TCF12: variants seen among roughly 807,000 people sequenced by gnomAD.
TCF12 encodes the protein DNA-binding protein HTF4.
Under a neutral mutation model 86.0 loss-of-function variants are expected in TCF12, and 45 were observed. The ratio of observed to expected loss-of-function variants is 0.52; its 90% CI spans 0.41 to 0.67. The LOEUF (loss-of-function observed/expected upper bound fraction) is 0.67, where lower values mean the gene tolerates loss of function less well. TCF12 is among the 30% of genes least tolerant of loss of function. The probability of loss-of-function intolerance (pLI) is 0.00; values close to 1 mark genes in which losing one functional copy is unlikely to be tolerated. For missense variants in TCF12, 881 were observed against 859.9 expected, an observed-to-expected ratio of 1.02 and a Z score of -0.31; for synonymous variants, 330 against 299.6, an observed-to-expected ratio of 1.10 and a Z score of -1.05.
At chr15:57,138,601 C>A (rs374894473) in intron 5 of TCF12, among the ~76,000 whole-genome samples, 2 of 152,186 alleles carry the variant, frequency 1.3e-5, no homozygotes. Context: ...ACTTTATAAA[C>A]CATTCTAACA....
intron 3 of TCF12, among the ~76,000 whole-genome samples, chr15:57,026,350 T>G (rs1427934247): frequency 7.9e-5 from 12 of 152,208 alleles, no homozygotes; most frequent in Admixed American, 7.9e-4. Flanking sequence ...AAGAGAACTT[T>G]CAAGAGAATA....
At chr15:57,049,353 G>A (rs578233243) in intron 3 of TCF12, among the ~76,000 whole-genome samples, 1 of 152,322 alleles carries the variant, frequency 6.6e-6, no homozygotes, top group Admixed American at 6.5e-5. Flanking sequence ...ACTCCAGAAA[G>A]ATGTCTCATG....
At chr15:57,253,851 T>G (rs895418716) in intron 16 of TCF12, among the ~76,000 whole-genome samples, 1 of 152,214 alleles carries the variant, frequency 6.6e-6, no homozygotes, top group East Asian at 1.9e-4. Flanking sequence ...AATGTGAAAC[T>G]GTAATTTATA....
chr15:56,986,665 T>A (rs1318560334), intron 3 of TCF12, among the ~76,000 whole-genome samples: 1 of 152,186 alleles, frequency 6.6e-6, no homozygotes, highest in African/African-American at 2.4e-5. Context: ...CAGAAGTTAC[T>A]TTATGTATCC....
intron 3 of TCF12, among the ~76,000 whole-genome samples, chr15:56,985,490 A>C (rs1199617856): frequency 2.0e-5 from 3 of 152,190 alleles, no homozygotes; most frequent in Non-Finnish European, 4.4e-5. Context: ...TAGCTGGTTA[A>C]TTTATCCAGA....
intron 8 of TCF12, among the ~76,000 whole-genome samples, chr15:57,208,141 C>T (rs2057925749): frequency 6.6e-6 from 1 of 150,828 alleles, no homozygotes; most frequent in South Asian, 2.1e-4. Flanking sequence ...TCAAGCAAAT[C>T]TCTGCCTCAG....
intron 3 of TCF12, among the ~76,000 whole-genome samples, chr15:56,990,147 T>C (rs530653552): frequency 1.0e-4 from 14 of 138,494 alleles, no homozygotes; most frequent in African/African-American, 4.2e-4. Context: ...AGGCATAGTC[T>C]TGTCTTTTTT....
At chr15:57,206,059 C>G (rs1340949655) in intron 8 of TCF12, among the ~76,000 whole-genome samples, 1 of 152,174 alleles carries the variant, frequency 6.6e-6, no homozygotes, top group African/African-American at 2.4e-5. Flanking sequence ...AGAGACTTCA[C>G]AAAGCAGATG....
At chr15:57,136,970 G>GTTTTT (rs1402740121) in intron 5 of TCF12, among the ~76,000 whole-genome samples, 1 of 40,830 alleles carries the variant, frequency 2.4e-5, no homozygotes, top group African/African-American at 8.5e-5. Flanking sequence ...TTTTTTTTTT[G>GTTTTT]TTTTTTTTTT....
intron 3 of TCF12, among the ~76,000 whole-genome samples, chr15:56,994,428 G>A (rs964511602): frequency 6.6e-6 from 1 of 151,986 alleles, no homozygotes; most frequent in Non-Finnish European, 1.5e-5. Flanking sequence ...GAATTAAATG[G>A]CTAAAGACCT....
chr15:57,160,678 G>A (rs1396154132), intron 5 of TCF12, among the ~76,000 whole-genome samples: 1 of 151,784 alleles, frequency 6.6e-6, no homozygotes, highest in African/African-American at 2.4e-5. Flanking sequence ...GCTTGTGGGG[G>A]TTTTTTTGTT....
At chr15:57,095,256 A>G (rs1207546271) in intron 5 of TCF12, among the ~76,000 whole-genome samples, 1 of 152,224 alleles carries the variant, frequency 6.6e-6, no homozygotes, top group Non-Finnish European at 1.5e-5. Context: ...ATTCAAGGCT[A>G]CTATCAATCA....
chr15:57,126,159 T>C (rs2051634643), intron 5 of TCF12, among the ~76,000 whole-genome samples: 2 of 152,188 alleles, frequency 1.3e-5, no homozygotes, highest in Non-Finnish European at 2.9e-5. Context: ...GAGGATCAGT[T>C]GAGCTCAGGA....
intron 3 of TCF12, among the ~76,000 whole-genome samples, chr15:56,980,045 A>G (rs576592886): frequency 1.1e-4 from 17 of 152,222 alleles, no homozygotes; most frequent in African/African-American, 3.9e-4. Context: ...TGTATCAGCC[A>G]TTGTTCATTT....
intron 8 of TCF12, among the ~76,000 whole-genome samples, chr15:57,227,711 A>G (rs1180075452): frequency 6.6e-6 from 1 of 152,098 alleles, no homozygotes; most frequent in Non-Finnish European, 1.5e-5. Flanking sequence ...AATTTTTCTT[A>G]ACACCATTCT....
intron 19 of TCF12, among the ~76,000 whole-genome samples, chr15:57,280,084 C>T (rs973997512): frequency 6.6e-6 from 1 of 151,582 alleles, no homozygotes; most frequent in Non-Finnish European, 1.5e-5. Flanking sequence ...TAGTAGAGAT[C>T]GGGTTTCACC....
intron 3 of TCF12, among the ~76,000 whole-genome samples, chr15:56,939,592 C>T (rs1451904596): frequency 3.9e-5 from 6 of 152,134 alleles, no homozygotes; most frequent in Admixed American, 2.0e-4. Flanking sequence ...TAGTGCTTTA[C>T]ACTTGTGTTT....
intron 4 of TCF12, among the ~76,000 whole-genome samples, chr15:57,067,384 C>T (rs902171138): frequency 4.1e-4 from 62 of 151,050 alleles, no homozygotes; most frequent in African/African-American, 1.5e-3. Flanking sequence ...ACTAAAAATA[C>T]AAAAAATTAG....
At chr15:57,102,391 A>T (rs913039583) in intron 5 of TCF12, among the ~76,000 whole-genome samples, 2 of 152,166 alleles carry the variant, frequency 1.3e-5, no homozygotes, top group Non-Finnish European at 2.9e-5. Context: ...TGAGGTCAGG[A>T]GTTCAAGACC....
Sources: allele counts gnomAD v4.1 joint callset (sites outside exome capture counted in the v4.1 genomes callset), GRCh38; gene constraint gnomAD v4.1.1; transcripts MANE v1.5; gene names NCBI Gene and HGNC (gene_info 2026-07-23, HGNC 2026-07-21).